The following SLC66A1 variants were observed in gnomAD, a reference collection of about 807,000 sequenced individuals.
SLC66A1 encodes the protein lysosomal amino acid transporter 1 homolog.
A neutral mutation model predicts 33.0 loss-of-function variants in SLC66A1; 23 were observed. The observed-to-expected ratio is 0.70, with a 90% confidence interval of 0.50 to 0.99. The LOEUF is 0.99. Among genes scored for constraint, SLC66A1 ranks in the 50% least tolerant of loss-of-function variants. SLC66A1 has a pLI of 0.00. For synonymous variants in SLC66A1, 164 were observed against 175.5 expected, an observed-to-expected ratio of 0.93 and a Z score of 0.52; for missense variants, 335 against 383.6, an observed-to-expected ratio of 0.87 and a Z score of 1.06.
intron 2 of SLC66A1, among the ~76,000 whole-genome samples, chr1:19,322,323 G>T (rs1195496246): frequency 6.6e-6 from 1 of 152,140 alleles, no homozygotes; most frequent in African/African-American, 2.4e-5. Context: ...GATTAACCAG[G>T]GAGGGGATTG....
At chr1:19,331,209 A>AC (rs2093891611), downstream of SLC66A1, among the ~76,000 whole-genome samples, 2 of 152,088 alleles carry the variant, frequency 1.3e-5, no homozygotes, top group African/African-American at 4.8e-5. Context: ...ACGGGGTTTC[A>AC]CCATGTTGGC....
chr1:19,327,271 G>A lies in SLC66A1; in HGVS notation c.663G>A (p.Ala221=), dbSNP rs751713773. ...AGGGGATCTCCTACTCTCTGTTCGC[G>A]CTGGTGATGCTGGGGAACACGCTGT... ...STQGISYSLF[A]LVMLGNTLYG... Residue 221 remains alanine, a synonymous_variant, in exon 7 of 8, where the codon GCG becomes GCA. Coordinates refer to ENST00000375153, the MANE Select transcript of SLC66A1 (RefSeq NM_001040125.2). The A allele has an allele frequency of 5.0e-6, 8 of 1,613,870 alleles. No individual in the cohort carries two copies. In the Admixed American group the frequency reaches 6.7e-5, roughly 13 times the overall value.
chr1:19,326,717 G>T, intron 6 of SLC66A1, 94 bp downstream of exon 6: 1 of 1,324,906 alleles, frequency 7.5e-7, no homozygotes, highest in Non-Finnish European at 1.1e-6. Context: ...CAGCATAGGA[G>T]CCTTGGTTCA....
chr1:19,323,475 C>T (rs138331626), intron 2 of SLC66A1, among the ~76,000 whole-genome samples: 25 of 151,672 alleles, frequency 1.6e-4, no homozygotes, highest in African/African-American at 5.1e-4. Context: ...GGTGTGATCT[C>T]GGCTTACTGC....
At position 19,323,917 on chromosome 1, in the gene SLC66A1, C is replaced by A. The variant is rs568500165; in HGVS notation, c.165-716C>A. Among the ~76,000 whole-genome samples the A allele has an allele frequency of 2.3e-4, 35 of 152,180 alleles. 1 individual carries two copies. The highest frequency in any genetic ancestry group is 1.3e-4 in the Non-Finnish European group (9 of 68,032). On this transcript the variant is annotated intron_variant, in intron 2 of 7. Coordinates refer to ENST00000375153, the MANE Select transcript of SLC66A1 (RefSeq NM_001040125.2). Reference sequence around the variant, plus strand: ...CTGGACAGCACAGGTGTCTTGAGGACAGAATGAGTCAACACACATGCAGAG... The same window carrying A: ...CTGGACAGCACAGGTGTCTTGAGGAAAGAATGAGTCAACACACATGCAGAG...
rs556296238 is a variant in SLC66A1 at position 19,324,464 on chromosome 1, G to A, written c.165-169G>A. Among the ~76,000 whole-genome samples the A allele has an allele frequency of 2.3e-3, 357 of 152,352 alleles. 2 individuals are homozygous for A. Among genetic ancestry groups the A allele is most frequent in the African/African-American group, 8.4e-3 (351 of 41,584 alleles). On this transcript the variant is annotated intron_variant, in intron 2 of 7. Transcript: ENST00000375153. ...CCCCAGGGGACTCCTCCAAAGGGCC[G>A]AGAAGGCTTCTGAGGATCCCGCCCG...
chr1:19,322,964 C>T (rs2093845446), intron 2 of SLC66A1, among the ~76,000 whole-genome samples: 1 of 152,092 alleles, frequency 6.6e-6, no homozygotes, highest in South Asian at 2.1e-4. Flanking sequence ...TCACTGCAGC[C>T]TCAACCTCTT....
intron 2 of SLC66A1, among the ~76,000 whole-genome samples, chr1:19,322,815 A>C (rs1386563108): frequency 2.6e-5 from 4 of 152,210 alleles, no homozygotes; most frequent in Non-Finnish European, 5.9e-5. Context: ...CCTTTATCCA[A>C]GAGCACTGGA....
chr1:19,333,002 T>A (rs894398001), downstream of SLC66A1, among the ~76,000 whole-genome samples: 1 of 152,174 alleles, frequency 6.6e-6, no homozygotes, highest in Non-Finnish European at 1.5e-5. This position sits in a 1 kb window ranked among gnomAD's most constrained non-coding sequence, Gnocchi z 4.2. Flanking sequence ...GGAAGTGACA[T>A]GCGCAGTGCC....
chr1:19,326,770 C>G (rs1454008937), intron 6 of SLC66A1, 147 bp downstream of exon 6: 7 of 864,744 alleles, frequency 8.1e-6, no homozygotes, highest in Non-Finnish European at 1.2e-5. Flanking sequence ...GCAAGTTAAT[C>G]CAATCTCCGA....
At chr1:19,324,120 GC>G (rs1304676792) in intron 2 of SLC66A1, among the ~76,000 whole-genome samples, 2 of 152,248 alleles carry the variant, frequency 1.3e-5, no homozygotes, top group Non-Finnish European at 2.9e-5. Flanking sequence ...CTTCTCTGTT[GC>G]CCTCTAAAGA....
chr1:19,314,030 C>T (rs1423203115), intron 1 of SLC66A1, among the ~76,000 whole-genome samples: 2 of 152,234 alleles, frequency 1.3e-5, no homozygotes, highest in African/African-American at 4.8e-5. Flanking sequence ...TCCAGGGTAC[C>T]GCTTCTGGGG....
rs2093812362 is a variant in SLC66A1 at position 19,317,585 on chromosome 1, C to G, written c.-78-15C>G. 6.5e-7 allele frequency: 1 copy of G among 1,534,268 alleles called. No homozygotes were observed. The highest frequency in any genetic ancestry group is 8.7e-7 in the Non-Finnish European group (1 of 1,143,716). Reference sequence around the variant, plus strand: ...ACCTCCCAGTGCTGAAAGCCTCCTCCCTTCCTCCCTGTAGAACCCTTGCTG... The same window carrying G: ...ACCTCCCAGTGCTGAAAGCCTCCTCGCTTCCTCCCTGTAGAACCCTTGCTG... On this transcript the variant is annotated splice_polypyrimidine_tract_variant and intron_variant, in intron 1 of 7. Coordinates refer to ENST00000375153, the MANE Select transcript of SLC66A1 (RefSeq NM_001040125.2).
At position 19,317,589 on chromosome 1, in the gene SLC66A1, C is replaced by T. The variant is rs2151999840; in HGVS notation, c.-78-11C>T. The T allele has an allele frequency of 1.3e-6, 2 of 1,540,038 alleles. No homozygotes were observed. Among genetic ancestry groups the T allele is most frequent in the South Asian group, 2.5e-5 (2 of 80,944 alleles). On this transcript the variant is annotated splice_polypyrimidine_tract_variant and intron_variant, in intron 1 of 7. Transcript: ENST00000375153. Reference sequence around the variant, plus strand: ...CCCAGTGCTGAAAGCCTCCTCCCTTCCTCCCTGTAGAACCCTTGCTGGCCT... The same window carrying T: ...CCCAGTGCTGAAAGCCTCCTCCCTTTCTCCCTGTAGAACCCTTGCTGGCCT...
At chr1:19,333,257 G>T (rs1190535378), downstream of SLC66A1, among the ~76,000 whole-genome samples, 1 of 152,156 alleles carries the variant, frequency 6.6e-6, no homozygotes, top group Non-Finnish European at 1.5e-5. The surrounding 1 kb of genome is among the most constrained non-coding windows in gnomAD (Gnocchi z 4.2). Flanking sequence ...ACCCAGGCTG[G>T]AGTGCAGTGG....
At position 19,325,717 on chromosome 1, in the gene SLC66A1, C is replaced by T. The variant is rs971952466; in HGVS notation, c.382+135C>T. ...AACCCAAACCTCGGAAAGCCTTCCC[C>T]GGGCCTTATCTAAGAGCCTGAGCCT... is the stretch of plus-strand genomic sequence containing the variant. On this transcript the variant is annotated intron_variant, in intron 4 of 7. Coordinates refer to ENST00000375153, the MANE Select transcript of SLC66A1 (RefSeq NM_001040125.2). 67 of 753,358 alleles carry T rather than the reference C, an allele frequency of 8.9e-5. No homozygotes were observed. The Middle Eastern group carries it at 1.5e-3, about 17-fold the overall frequency. 46.7% of individuals were successfully genotyped at this position (753,358 alleles called of 1,614,324 possible).
chr1:19,324,994 AAGG>A (rs1000739254), intron 3 of SLC66A1, among the ~76,000 whole-genome samples: 77 of 152,146 alleles, frequency 5.1e-4, no homozygotes, highest in African/African-American at 1.8e-3. Flanking sequence ...GTCTAACAGG[AAGG>A]TTTCGGGGTC....
intron 2 of SLC66A1, among the ~76,000 whole-genome samples, chr1:19,320,519 T>C (rs1326817741): frequency 6.7e-6 from 1 of 149,614 alleles, no homozygotes; most frequent in African/African-American, 2.5e-5. Context: ...GTTCACGCCA[T>C]TCTCCTGCCT....
At chr1:19,315,786 G>C (rs1453790120) in intron 1 of SLC66A1, among the ~76,000 whole-genome samples, 3 of 152,212 alleles carry the variant, frequency 2.0e-5, no homozygotes, top group Admixed American at 2.0e-4. Flanking sequence ...GCTGGTGACA[G>C]ATGGACCTGA....
Sources: gnomAD v4.1 joint callset for allele counts (sites outside exome capture counted in the v4.1 genomes callset) on GRCh38, gnomAD v4.1.1 for gene constraint, Gnocchi (gnomAD v3.1) non-coding constraint, MANE v1.5 for transcripts, NCBI Gene and HGNC (gene_info 2026-07-23, HGNC 2026-07-21) for gene names.